Variants in ZNF532 observed in about 807,000 individuals in gnomAD.
ZNF532 encodes zinc finger protein 532.
Under a neutral mutation model 89.3 loss-of-function variants are expected in ZNF532, and 22 were observed. The ratio of observed to expected loss-of-function variants is 0.25; its 90% CI spans 0.18 to 0.35. The LOEUF is 0.35. ZNF532 is among the 10% of genes least tolerant of loss of function. The pLI is 1.00. For missense variants in ZNF532, 1,132 were observed against 1,643.4 expected (o/e 0.69, Z 5.38); for synonymous variants, 606 against 649.6 (o/e 0.93, Z 1.02).
Position 58,920,416 on chromosome 18 carries a change from G to A in ZNF532, c.2129G>A (p.Gly710Glu). ...ACTTCCACTCTTCAGAGCCCTGTGG[G>A]AGCTGGCACACACACTGTCACAAAA... The part of the protein sequence containing the change: ...TSTSTLQSPV[G>E]AGTHTVTKIQ... The change falls in exon 3 of 10, where the codon GGA becomes GAA. Residue 710 changes from glycine to glutamate, a missense_variant. Physicochemically the swap from Gly to Glu is moderately conservative, Grantham distance 98. This residue lies in a region of ZNF532 where 100 missense variants were observed against 122.0 expected (regional missense o/e 0.82). Transcript: ENST00000591808. 1.2e-6 allele frequency: 2 copies of A among 1,613,894 alleles called. No individual in the cohort carries two copies. Among genetic ancestry groups the A allele is most frequent in the Non-Finnish European group, 1.7e-6 (2 of 1,179,874 alleles).
At chr18:58,981,396 C>T in intron 8 of ZNF532, 74 bp from the exon 9 acceptor site, 1 of 1,557,526 alleles carries the variant, frequency 6.4e-7, no homozygotes, top group Non-Finnish European at 8.7e-7. Flanking sequence ...TAAGGAGGAC[C>T]TTCGACCGTG....
At chr18:58,978,770 ACT>A (rs1432062004) in intron 7 of ZNF532, among the ~76,000 whole-genome samples, 8 of 152,138 alleles carry the variant, frequency 5.3e-5, no homozygotes, top group African/African-American at 1.7e-4. Flanking sequence ...ATATCTTGGG[ACT>A]CTCTAATTGT....
chr18:58,984,605 A>T lies in ZNF532; in HGVS notation c.*139A>T. The T allele has an allele frequency of 2.0e-6, 2 of 1,018,794 alleles. No individual in the cohort carries two copies. Among genetic ancestry groups the T allele is most frequent in the Non-Finnish European group, 2.8e-6 (2 of 710,476 alleles). The allele number at this position is 1,018,794 out of a possible 1,614,324, so 63.1% of individuals were successfully genotyped here. On this transcript the variant is annotated 3_prime_UTR_variant, in exon 10 of 10. Coordinates refer to ENST00000591808, the MANE Select transcript of ZNF532 (RefSeq NM_001375912.1). ...ATTCTCTTTCAATGTACCTTCCTTCACCTCGTCGTATATATCCTCGATAAG... is the reference window on the plus strand; with the variant it reads ...ATTCTCTTTCAATGTACCTTCCTTCTCCTCGTCGTATATATCCTCGATAAG...
intron 7 of ZNF532, among the ~76,000 whole-genome samples, chr18:58,973,981 C>T (rs1006522018): frequency 2.0e-5 from 3 of 151,802 alleles, no homozygotes; most frequent in African/African-American, 7.3e-5. Flanking sequence ...AGAGCGGGGT[C>T]GAGGGGGTGG....
rs745315251 is a variant in ZNF532, at chr18:58,953,564, G to A, written c.2915G>A (p.Gly972Asp). ...AGTATTGAAGGGCCTCCAAACTTGG[G>A]TATAAACTTGCCTTTGAGCATTAAG... ...LKSIEGPPNL[G>D]INLPLSIKPA... is the part of the protein sequence containing the mutation. The change falls in exon 7 of 10, where the codon GGT (glycine) becomes GAT (aspartate). Residue 972 changes from glycine (G) to aspartate (D), a missense_variant. This residue lies in a region of ZNF532 where 415 missense variants were observed against 604.8 expected (regional missense o/e 0.69). Transcript: ENST00000591808. The A allele has an allele frequency of 1.9e-6, 3 of 1,613,492 alleles. No homozygotes were observed. Among genetic ancestry groups the A allele is most frequent in the Non-Finnish European group, 2.5e-6 (3 of 1,179,646 alleles).
intron 2 of ZNF532, among the ~76,000 whole-genome samples, chr18:58,916,926 A>T (rs1262951052): frequency 1.3e-5 from 2 of 152,206 alleles, no homozygotes; most frequent in East Asian, 3.8e-4. Context: ...GAAGGAGGCA[A>T]CGTGTCAGGG....
chr18:58,926,568 G>A (rs2061542290), intron 3 of ZNF532, among the ~76,000 whole-genome samples: 1 of 152,088 alleles, frequency 6.6e-6, no homozygotes, highest in South Asian at 2.1e-4. Flanking sequence ...GGCTGGTCTC[G>A]AACTCCTGAG....
intron 7 of ZNF532, among the ~76,000 whole-genome samples, chr18:58,960,095 C>G (rs750879653): frequency 4.6e-5 from 7 of 152,196 alleles, no homozygotes; most frequent in Admixed American, 4.6e-4. Context: ...CGTGCCACCA[C>G]GCCCAGCTAA....
At chr18:58,868,063 CT>C (rs1012324247) in intron 2 of ZNF532, among the ~76,000 whole-genome samples, 21 of 152,184 alleles carry the variant, frequency 1.4e-4, no homozygotes, top group African/African-American at 4.3e-4. Flanking sequence ...TTCTCTTGGA[CT>C]TTTCCGTGCA....
chr18:58,943,494 C>T (rs1262673658), intron 5 of ZNF532, among the ~76,000 whole-genome samples: 3 of 149,088 alleles, frequency 2.0e-5, no homozygotes, highest in Non-Finnish European at 3.0e-5. Context: ...GATGGAGTCT[C>T]GCTCTGTTGC....
At chr18:58,926,049 T>C (rs1359110782) in intron 3 of ZNF532, 3 of 152,266 alleles carry the variant, frequency 2.0e-5, no homozygotes, top group Non-Finnish European at 4.4e-5. Context: ...TTTCCAAAAT[T>C]GTTTTCACTC....
At chr18:58,864,556 GAAAC>G (rs1295703110), upstream of ZNF532, 1 of 131,396 alleles carries the variant, frequency 7.6e-6, no homozygotes, top group Non-Finnish European at 1.6e-5. Context: ...GAAGGAGGGG[GAAAC>G]AGTGTCTGCG....
intron 6 of ZNF532, chr18:58,953,059 A>T (rs77058284): frequency 6.5e-6 from 1 of 153,910 alleles, no homozygotes; most frequent in East Asian, 1.9e-4. Context: ...CTTGCTATTT[A>T]CTAACGTATT....
Position 58,972,620 on chromosome 18 carries a change from C to T in ZNF532, c.3151-6435C>T, listed in dbSNP as rs138731211. On this transcript the variant is annotated intron_variant, in intron 7 of 9. Transcript: ENST00000591808. ...AAGCATCACACCTGTCCCCGGATGA[C>T]GCCTTGGCTCTGGCCACACAGGAAG... 3.6e-3 allele frequency among the ~76,000 whole-genome samples: 551 copies of T among 152,118 alleles called. 5 individuals are homozygous for T. Among genetic ancestry groups the T allele is most frequent in the African/African-American group, 0.012 (513 of 41,504 alleles).
chr18:58,941,861 TTTC>T (rs1192431748), intron 5 of ZNF532, among the ~76,000 whole-genome samples: 2 of 150,650 alleles, frequency 1.3e-5, no homozygotes, highest in Middle Eastern at 3.4e-3. Context: ...TTCCTCTTTC[TTTC>T]TTTTCTTTCT....
chr18:58,920,672 T>A lies in ZNF532; in HGVS notation c.2346+39T>A, dbSNP rs199519745. On this transcript the variant is annotated intron_variant, in intron 3 of 9. Coordinates refer to ENST00000591808, the MANE Select transcript of ZNF532 (RefSeq NM_001375912.1). Reference sequence around the variant, plus strand: ...TAAATTTTTGTGTTTCAGTGATGAGTCTGTAGGCATGAGTGCTTGATAAGA... The same window carrying A: ...TAAATTTTTGTGTTTCAGTGATGAGACTGTAGGCATGAGTGCTTGATAAGA... 11 of 1,525,824 alleles carry A rather than the reference T, an allele frequency of 7.2e-6. No individual in the cohort carries two copies. In the Admixed American group the frequency reaches 1.6e-4, roughly 23 times the overall value. The allele number at this position is 1,525,824 out of a possible 1,614,324, so 94.5% of individuals were successfully genotyped here.
intron 2 of ZNF532, among the ~76,000 whole-genome samples, chr18:58,908,414 A>G (rs777889000): frequency 3.3e-5 from 5 of 152,352 alleles, no homozygotes; most frequent in Middle Eastern, 6.8e-3. Flanking sequence ...ACGAGAGTGT[A>G]GATCGGTAAG....
At chr18:58,969,945 C>T (rs1214456328) in intron 7 of ZNF532, among the ~76,000 whole-genome samples, 2 of 129,630 alleles carry the variant, frequency 1.5e-5, no homozygotes, top group Non-Finnish European at 3.1e-5. Context: ...AGGGCAGTGG[C>T]GTGATCTCAG....
At chr18:58,882,495 G>A (rs1347859195) in intron 2 of ZNF532, among the ~76,000 whole-genome samples, 3 of 152,208 alleles carry the variant, frequency 2.0e-5, no homozygotes, top group African/African-American at 7.2e-5. Flanking sequence ...AGGCTGGAGT[G>A]CAGTGATCTG....
Sources: allele counts gnomAD v4.1 joint callset (sites outside exome capture counted in the v4.1 genomes callset), GRCh38; gene constraint gnomAD v4.1.1; regional missense constraint gnomAD v4.1.1; transcripts MANE v1.5; gene names NCBI Gene and HGNC (gene_info 2026-07-23, HGNC 2026-07-21).